SNTG2: variants seen among roughly 807,000 people sequenced by gnomAD.
The protein encoded by SNTG2 is gamma-2-syntrophin.
Under a neutral mutation model 70.9 loss-of-function variants are expected in SNTG2, and 74 were observed. The ratio of observed to expected loss-of-function variants is 1.04; its 90% CI spans 0.86 to 1.27. SNTG2 has a LOEUF of 1.27. Ranked by LOEUF, SNTG2 falls within the 50% of genes most tolerant of loss-of-function variation. The pLI is 0.00. For missense variants in SNTG2, 717 were observed against 690.7 expected, an observed-to-expected ratio of 1.04 and a Z score of -0.43; for synonymous variants, 278 against 273.8, an observed-to-expected ratio of 1.02 and a Z score of -0.15.
At chr2:1,135,773 A>G (rs138184482) in intron 4 of SNTG2, among the ~76,000 whole-genome samples, 4 of 152,330 alleles carry the variant, frequency 2.6e-5, no homozygotes, top group African/African-American at 7.2e-5. Context: ...GACTTGTTCA[A>G]TGACAATGAC....
intron 8 of SNTG2, among the ~76,000 whole-genome samples, chr2:1,179,794 T>C (rs571711744): frequency 0.014 from 2,075 of 146,230 alleles, 46 homozygotes; most frequent in African/African-American, 0.049. Flanking sequence ...GCTGGAGGCA[T>C]CACGCTACCT....
chr2:1,014,759 G>A (rs1018907230), intron 1 of SNTG2, among the ~76,000 whole-genome samples: 10 of 150,450 alleles, frequency 6.6e-5, no homozygotes, highest in South Asian at 2.1e-4. Context: ...GGGTGGTCTG[G>A]AGAAGGATTT....
chr2:1,101,783 T>A (rs962700563), intron 4 of SNTG2, among the ~76,000 whole-genome samples: 2 of 152,170 alleles, frequency 1.3e-5, no homozygotes, highest in East Asian at 3.9e-4. Flanking sequence ...CTCCACATTT[T>A]AGATCCTCTT....
chr2:1,363,252 T>C (rs956580025), intron 16 of SNTG2, among the ~76,000 whole-genome samples: 3 of 152,100 alleles, frequency 2.0e-5, no homozygotes, highest in Non-Finnish European at 4.4e-5. Flanking sequence ...AAGTCTTCTA[T>C]GAGGACACAA....
At chr2:1,212,135 G>A (rs1674086488) in intron 9 of SNTG2, among the ~76,000 whole-genome samples, 1 of 152,130 alleles carries the variant, frequency 6.6e-6, no homozygotes, top group South Asian at 2.1e-4. Context: ...TTGGAGGTGG[G>A]GCCTGGTGGG....
At chr2:1,068,618 G>A (rs796327774) in intron 1 of SNTG2, among the ~76,000 whole-genome samples, 21 of 152,168 alleles carry the variant, frequency 1.4e-4, no homozygotes, top group South Asian at 4.2e-4. Context: ...TTGTACTGTC[G>A]CGTATTGTTG....
chr2:1,339,719 T>C (rs1659989140), intron 16 of SNTG2, among the ~76,000 whole-genome samples: 1 of 152,216 alleles, frequency 6.6e-6, no homozygotes, highest in South Asian at 2.1e-4. Context: ...TAAACCCTTC[T>C]GCCACACCAC....
intron 4 of SNTG2, among the ~76,000 whole-genome samples, chr2:1,115,436 A>C (rs1666887091): frequency 6.9e-6 from 1 of 145,250 alleles, no homozygotes; most frequent in Non-Finnish European, 1.5e-5. Flanking sequence ...TGTGTTTACT[A>C]AGTGAGGTTT....
intron 12 of SNTG2, among the ~76,000 whole-genome samples, chr2:1,258,750 G>A (rs1678257563): frequency 1.3e-5 from 2 of 152,182 alleles, no homozygotes; most frequent in East Asian, 3.9e-4. Context: ...AGCTTGAATT[G>A]TGAAACATAC....
At chr2:1,218,700 G>A (rs1298013045) in intron 9 of SNTG2, among the ~76,000 whole-genome samples, 1 of 152,204 alleles carries the variant, frequency 6.6e-6, no homozygotes, top group Admixed American at 6.5e-5. Context: ...TGGTGCCTCT[G>A]GGATGTGCCC....
intron 14 of SNTG2, among the ~76,000 whole-genome samples, chr2:1,271,803 G>C (rs1679033714): frequency 6.6e-6 from 1 of 152,158 alleles, no homozygotes; most frequent in Admixed American, 6.5e-5. Context: ...TCAGACCAAA[G>C]TACTCGTCTA....
chr2:1,326,868 C>G (rs1681785614), intron 16 of SNTG2, among the ~76,000 whole-genome samples: 1 of 151,894 alleles, frequency 6.6e-6, no homozygotes, highest in Admixed American at 6.6e-5. Context: ...CTTTGTATAT[C>G]CTTCAGTTTA....
intron 1 of SNTG2, among the ~76,000 whole-genome samples, chr2:1,011,677 AG>A (rs1383869903): frequency 2.2e-5 from 3 of 136,372 alleles, no homozygotes; most frequent in Non-Finnish European, 5.0e-5. Flanking sequence ...ATATAATTGC[AG>A]GCTTTTTTTG....
At chr2:1,194,507 T>C (rs1278949881) in intron 8 of SNTG2, among the ~76,000 whole-genome samples, 1 of 118,906 alleles carries the variant, frequency 8.4e-6, no homozygotes, top group Non-Finnish European at 1.8e-5. Flanking sequence ...AGGTACCACG[T>C]TGGTTGATTC....
intron 15 of SNTG2, among the ~76,000 whole-genome samples, chr2:1,313,108 G>C (rs1681089722): frequency 6.6e-6 from 1 of 152,162 alleles, no homozygotes; most frequent in South Asian, 2.1e-4. Context: ...TGTTGCAGAG[G>C]AAGTATTACC....
chr2:1,197,515 A>ATGTGTGTGTGTGTGTGTGTGTG (rs71299845), intron 8 of SNTG2, among the ~76,000 whole-genome samples: 1 of 128,322 alleles, frequency 7.8e-6, no homozygotes, highest in East Asian at 2.8e-4. Flanking sequence ...ATGTATATAT[A>ATGTGTGTGTGTGTGTGTGTGTG]TGTGTGTGTG....
chr2:1,039,992 T>C (rs560080375), intron 1 of SNTG2, among the ~76,000 whole-genome samples: 2 of 152,216 alleles, frequency 1.3e-5, no homozygotes, highest in South Asian at 4.2e-4. Context: ...AGGGCTTCAG[T>C]TGAAAGAGAA....
chr2:1,203,523 G>A (rs948248243), intron 8 of SNTG2, among the ~76,000 whole-genome samples: 5 of 151,762 alleles, frequency 3.3e-5, no homozygotes, highest in Admixed American at 6.6e-5. Flanking sequence ...GCATGGTGGT[G>A]CGTATCTGTA....
At position 1,137,830 on chromosome 2, in the gene SNTG2, A is replaced by G. The variant is rs1411957304; in HGVS notation, c.411+21A>G. On this transcript the variant is annotated intron_variant, in intron 6 of 16. Coordinates refer to ENST00000308624, the MANE Select transcript of SNTG2 (RefSeq NM_018968.4). ...AAGTGGTAAGTGAATTACATTTTAT[A>G]GTTATTCTGTTTATTATTCTTGTAT... is the stretch of plus-strand genomic sequence containing the variant. 2.5e-6 allele frequency: 4 copies of G among 1,586,982 alleles called. No homozygotes were observed. The Admixed American group carries it at 5.0e-5, about 20-fold the overall frequency.
Sources: allele counts gnomAD v4.1 joint callset (sites outside exome capture counted in the v4.1 genomes callset), GRCh38; gene constraint gnomAD v4.1.1; transcripts MANE v1.5; gene names NCBI Gene and HGNC (gene_info 2026-07-23, HGNC 2026-07-21).